The following BTBD9 variants were observed in gnomAD, a reference collection of about 807,000 sequenced individuals.
BTBD9 encodes the protein BTB/POZ domain-containing protein 9.
In BTBD9, 49 loss-of-function variants were observed where a neutral mutation model predicts 64.3. That is an observed-to-expected ratio of 0.76 (90% CI 0.61 to 0.97). The LOEUF is 0.97. Among genes scored for constraint, BTBD9 ranks in the 50% least tolerant of loss-of-function variants. The pLI, the probability that BTBD9 is intolerant of heterozygous loss-of-function variation, is 0.00. For synonymous variants in BTBD9, 260 were observed against 274.7 expected, an observed-to-expected ratio of 0.95 and a Z score of 0.53; for missense variants, 598 against 762.1, an observed-to-expected ratio of 0.78 and a Z score of 2.53.
chr6:38,626,244 T>C (rs1778164412), intron 1 of BTBD9, among the ~76,000 whole-genome samples: 1 of 152,244 alleles, frequency 6.6e-6, no homozygotes, highest in Non-Finnish European at 1.5e-5. Context: ...GTGCAATGCA[T>C]AATAATCACA....
intron 6 of BTBD9, among the ~76,000 whole-genome samples, chr6:38,546,024 A>G (rs1774540589): frequency 1.3e-5 from 2 of 152,146 alleles, no homozygotes; most frequent in Non-Finnish European, 2.9e-5. Flanking sequence ...TAGCTAGTGG[A>G]TATGGTAAGA....
At chr6:38,454,333 A>C (rs557135758) in intron 6 of BTBD9, among the ~76,000 whole-genome samples, 2 of 152,242 alleles carry the variant, frequency 1.3e-5, no homozygotes, top group African/African-American at 4.8e-5. Context: ...TAAAGTTTAC[A>C]TATGGAATGT....
intron 6 of BTBD9, among the ~76,000 whole-genome samples, chr6:38,509,531 A>G (rs970857960): frequency 6.6e-6 from 1 of 152,228 alleles, no homozygotes; most frequent in Non-Finnish European, 1.5e-5. Context: ...GTACTTTCTC[A>G]AAACGCAGTG....
chr6:38,422,820 C>T (rs1035635633), intron 6 of BTBD9, among the ~76,000 whole-genome samples: 3 of 152,072 alleles, frequency 2.0e-5, no homozygotes, highest in African/African-American at 7.2e-5. Flanking sequence ...TTCTTTTTGG[C>T]CAGATGCGGT....
intron 6 of BTBD9, among the ~76,000 whole-genome samples, chr6:38,569,226 A>C (rs1367316789): frequency 6.6e-6 from 1 of 152,210 alleles, no homozygotes; most frequent in Non-Finnish European, 1.5e-5. Context: ...ATATCATGAA[A>C]TTCTTGACAG....
chr6:38,277,691 T>C (rs887532892), intron 8 of BTBD9, among the ~76,000 whole-genome samples: 7 of 152,158 alleles, frequency 4.6e-5, no homozygotes, highest in African/African-American at 1.7e-4. Flanking sequence ...CATAGTACTG[T>C]TTTAGATACA....
chr6:38,492,608 C>T (rs1298641152), intron 6 of BTBD9, among the ~76,000 whole-genome samples: 1 of 152,122 alleles, frequency 6.6e-6, no homozygotes, highest in Non-Finnish European at 1.5e-5. Context: ...TAAGAATAAA[C>T]ATAATTTTTT....
At chr6:38,430,033 T>C (rs921240959) in intron 6 of BTBD9, among the ~76,000 whole-genome samples, 3 of 151,906 alleles carry the variant, frequency 2.0e-5, no homozygotes, top group African/African-American at 7.3e-5. Flanking sequence ...TTCTCAAACA[T>C]GTTTGTTTTT....
chr6:38,541,067 G>A (rs1014450208), intron 6 of BTBD9, among the ~76,000 whole-genome samples: 1 of 152,170 alleles, frequency 6.6e-6, no homozygotes, highest in Non-Finnish European at 1.5e-5. Context: ...GCTGGACGCA[G>A]ATGCAATGAT....
At chr6:38,609,182 A>C (rs1175579338) in intron 1 of BTBD9, among the ~76,000 whole-genome samples, 1 of 152,160 alleles carries the variant, frequency 6.6e-6, no homozygotes, top group Non-Finnish European at 1.5e-5. Flanking sequence ...CTGGGCAACA[A>C]AATGAAACCT....
At chr6:38,259,535 T>C (rs541629381) in intron 8 of BTBD9, among the ~76,000 whole-genome samples, 61 of 152,260 alleles carry the variant, frequency 4.0e-4, no homozygotes, top group African/African-American at 1.4e-3. Flanking sequence ...CCCAAGTAGC[T>C]GGGATTACAG....
In BTBD9 at chr6:38,333,897, G is replaced by T. The variant is rs2127583151; in HGVS notation, c.1264+11087C>A. Among the ~76,000 whole-genome samples, 2 of 152,232 alleles carry T rather than the reference G, an allele frequency of 1.3e-5. 1 individual carries two copies. The stretch of plus-strand genomic sequence containing the variant: ...TGGAACTGGGTAATAGGTAGAACTG[G>T]AACAGCCTGGAGGGCTCAGAAGAAG... On this transcript the variant is annotated intron_variant, in intron 7 of 10. Coordinates refer to ENST00000481247, the MANE Select transcript of BTBD9 (RefSeq NM_001099272.2).
At chr6:38,209,666 T>C (rs1217588938) in intron 9 of BTBD9, among the ~76,000 whole-genome samples, 1 of 152,200 alleles carries the variant, frequency 6.6e-6, no homozygotes, top group Non-Finnish European at 1.5e-5. Context: ...TTTCAATGTA[T>C]GGCCAAGGCG....
intron 9 of BTBD9, among the ~76,000 whole-genome samples, chr6:38,206,185 A>T (rs1762643833): frequency 6.6e-6 from 1 of 152,012 alleles, no homozygotes; most frequent in South Asian, 2.1e-4. Context: ...AGTACACAGA[A>T]AATTAATGAA....
intron 9 of BTBD9, among the ~76,000 whole-genome samples, chr6:38,212,649 G>A (rs1762872925): frequency 6.6e-6 from 1 of 152,180 alleles, no homozygotes; most frequent in Middle Eastern, 3.2e-3. Flanking sequence ...GGCTGGTGAG[G>A]GGAGGGAGAA....
At chr6:38,225,290 C>T (rs1763357320) in intron 9 of BTBD9, among the ~76,000 whole-genome samples, 1 of 152,146 alleles carries the variant, frequency 6.6e-6, no homozygotes. Context: ...ATGATGTGTC[C>T]TAGAGGCTCT....
intron 6 of BTBD9, among the ~76,000 whole-genome samples, chr6:38,526,130 T>A (rs1773476743): frequency 6.6e-6 from 1 of 152,240 alleles, no homozygotes; most frequent in South Asian, 2.1e-4. Context: ...AATGGTTTTG[T>A]GAGCCAGGCC....
chr6:38,501,591 A>G (rs904424730), intron 6 of BTBD9, among the ~76,000 whole-genome samples: 1 of 152,112 alleles, frequency 6.6e-6, no homozygotes, highest in African/African-American at 2.4e-5. Context: ...TGTATAAGAG[A>G]GCAACAGTTC....
chr6:38,494,306 A>G (rs1771845075), intron 6 of BTBD9, among the ~76,000 whole-genome samples: 1 of 152,196 alleles, frequency 6.6e-6, no homozygotes, highest in Non-Finnish European at 1.5e-5. Flanking sequence ...TCTATTGCCA[A>G]ATTTCCCTCA....
Sources: allele counts gnomAD v4.1 joint callset (sites outside exome capture counted in the v4.1 genomes callset), GRCh38; gene constraint gnomAD v4.1.1; transcripts MANE v1.5; gene names NCBI Gene and HGNC (gene_info 2026-07-23, HGNC 2026-07-21).